Variants in CFDP1 observed in about 807,000 individuals in gnomAD.
CFDP1 encodes heterochromatin-stabilizing protein CFDP1.
Under a neutral mutation model 40.1 loss-of-function variants are expected in CFDP1, and 31 were observed. That is an observed-to-expected ratio of 0.77 (90% CI 0.58 to 1.04). The LOEUF (loss-of-function observed/expected upper bound fraction) is 1.04. Among genes scored for constraint, CFDP1 ranks in the 50% least tolerant of loss-of-function variants. The probability of loss-of-function intolerance (pLI) is 0.00; values close to 1 mark genes in which losing one functional copy is unlikely to be tolerated. For missense variants in CFDP1, 423 were observed against 343.4 expected, an observed-to-expected ratio of 1.23 and a Z score of -1.83; for synonymous variants, 167 against 120.0, an observed-to-expected ratio of 1.39 and a Z score of -2.56.
intron 1 of CFDP1, among the ~76,000 whole-genome samples, chr16:75,423,030 C>T (rs2079297582): frequency 6.6e-6 from 1 of 151,978 alleles, no homozygotes; most frequent in Admixed American, 6.6e-5. Flanking sequence ...CCTGTAATCC[C>T]AGCACTTTGG....
At chr16:75,423,902 C>CA (rs1444719921) in intron 1 of CFDP1, among the ~76,000 whole-genome samples, 1 of 152,122 alleles carries the variant, frequency 6.6e-6, no homozygotes, top group Non-Finnish European at 1.5e-5. Flanking sequence ...TGGTTGAATC[C>CA]ATGGCTGTGG....
At chr16:75,323,727 C>T (rs937171867) in intron 5 of CFDP1, among the ~76,000 whole-genome samples, 1 of 149,916 alleles carries the variant, frequency 6.7e-6, no homozygotes, top group Non-Finnish European at 1.5e-5. Flanking sequence ...TGCAGTGAGC[C>T]GAGATCGTGC....
At chr16:75,312,196 G>A (rs1251059742) in intron 5 of CFDP1, among the ~76,000 whole-genome samples, 1 of 152,152 alleles carries the variant, frequency 6.6e-6, no homozygotes, top group East Asian at 1.9e-4. Context: ...TCAAGGAAAT[G>A]GACTGGAAGC....
intron 1 of CFDP1, among the ~76,000 whole-genome samples, chr16:75,414,973 T>G (rs2079191897): frequency 6.6e-6 from 1 of 152,240 alleles, no homozygotes; most frequent in African/African-American, 2.4e-5. Flanking sequence ...TCTGCTGTGC[T>G]GTATACTCCA....
At chr16:75,339,790 G>A (rs898489818) in intron 5 of CFDP1, among the ~76,000 whole-genome samples, 1 of 152,180 alleles carries the variant, frequency 6.6e-6, no homozygotes, top group African/African-American at 2.4e-5. Flanking sequence ...GCCAACTTGA[G>A]AGCCATCTTA....
At chr16:75,348,535 T>C (rs963553316) in intron 5 of CFDP1, among the ~76,000 whole-genome samples, 1 of 152,222 alleles carries the variant, frequency 6.6e-6, no homozygotes, top group African/African-American at 2.4e-5. Flanking sequence ...GAAATGCTCA[T>C]TTAATATTAA....
intron 5 of CFDP1, among the ~76,000 whole-genome samples, chr16:75,329,263 G>C (rs564964757): frequency 6.6e-6 from 1 of 152,274 alleles, no homozygotes; most frequent in South Asian, 2.1e-4. Context: ...TAGGATTACA[G>C]GCATGAACCA....
intron 5 of CFDP1, among the ~76,000 whole-genome samples, chr16:75,387,482 TG>T (rs1422109747): frequency 2.6e-5 from 4 of 152,214 alleles, no homozygotes; most frequent in African/African-American, 9.7e-5. Flanking sequence ...ATTCTGGAGC[TG>T]ATAAGTAAGA....
chr16:75,296,875 A>G (rs1482753215), intron 6 of CFDP1, among the ~76,000 whole-genome samples: 2 of 152,202 alleles, frequency 1.3e-5, no homozygotes, highest in Non-Finnish European at 2.9e-5. Flanking sequence ...CCAAGAGCTG[A>G]CCATGAACAA....
chr16:75,319,274 C>A (rs2078346165), intron 5 of CFDP1, among the ~76,000 whole-genome samples: 1 of 152,064 alleles, frequency 6.6e-6, no homozygotes, highest in Non-Finnish European at 1.5e-5. Context: ...GATCTCTTGA[C>A]CTTATAATCC....
chr16:75,406,192 T>G (rs116224201), intron 4 of CFDP1, among the ~76,000 whole-genome samples: 1 of 150,912 alleles, frequency 6.6e-6, no homozygotes, highest in Non-Finnish European at 1.5e-5. Context: ...CTAAGCAACA[T>G]AGGGAGACCT....
At chr16:75,347,085 C>T (rs980502813) in intron 5 of CFDP1, among the ~76,000 whole-genome samples, 1 of 152,058 alleles carries the variant, frequency 6.6e-6, no homozygotes, top group African/African-American at 2.4e-5. Flanking sequence ...GGGGCTCACA[C>T]CTGTAATCCC....
chr16:75,298,235 A>C (rs1254595612), intron 6 of CFDP1, among the ~76,000 whole-genome samples: 1 of 152,216 alleles, frequency 6.6e-6, no homozygotes, highest in Admixed American at 6.5e-5. Flanking sequence ...CTGAAATCTA[A>C]AACACTTCCA....
intron 6 of CFDP1, among the ~76,000 whole-genome samples, chr16:75,303,693 C>T (rs3784937): frequency 0.74 from 112,451 of 151,794 alleles, 41,848 homozygotes; most frequent in Admixed American, 0.8. Context: ...TTCGACTTAA[C>T]GCAAGCCTTT....
intron 4 of CFDP1, among the ~76,000 whole-genome samples, chr16:75,411,045 C>G (rs2079158199): frequency 6.6e-6 from 1 of 151,812 alleles, no homozygotes; most frequent in African/African-American, 2.4e-5. Context: ...ATGGCGAAAC[C>G]CCATCTCTAC....
At chr16:75,294,114 C>G (rs1055123594) in intron 6 of CFDP1, 72 bp from the exon 7 acceptor site, 6 of 1,154,472 alleles carry the variant, frequency 5.2e-6, no homozygotes, top group Non-Finnish European at 7.8e-6. Context: ...GTCCCATCCC[C>G]CAGGGATAAA....
chr16:75,368,882 G>GT (rs994743777), intron 5 of CFDP1, among the ~76,000 whole-genome samples: 24 of 149,914 alleles, frequency 1.6e-4, no homozygotes, highest in African/African-American at 3.2e-4. Context: ...TTGTTTGTTT[G>GT]TTTTTTTTTA....
intron 5 of CFDP1, among the ~76,000 whole-genome samples, chr16:75,352,866 C>A (rs538017890): frequency 1.3e-5 from 2 of 152,216 alleles, no homozygotes; most frequent in Admixed American, 1.3e-4. Context: ...GAAAACCAGA[C>A]CTTATGTGTC....
At chr16:75,375,782 C>T (rs1404165057) in intron 5 of CFDP1, among the ~76,000 whole-genome samples, 1 of 124,394 alleles carries the variant, frequency 8.0e-6, no homozygotes, top group African/African-American at 2.8e-5. Flanking sequence ...CAGAGCGAGA[C>T]TCCATCTCAA....
Sources: allele counts gnomAD v4.1 joint callset (sites outside exome capture counted in the v4.1 genomes callset), GRCh38; gene constraint gnomAD v4.1.1; transcripts MANE v1.5; gene names NCBI Gene and HGNC (gene_info 2026-07-23, HGNC 2026-07-21).